The following KCNQ1 variants were observed in gnomAD, a reference collection of about 807,000 sequenced individuals.
KCNQ1 encodes the protein potassium voltage-gated channel subfamily KQT member 1.
A neutral mutation model predicts 72.4 loss-of-function variants in KCNQ1; 49 were observed. The ratio of observed to expected loss-of-function variants is 0.68; its 90% CI spans 0.54 to 0.86. The LOEUF (loss-of-function observed/expected upper bound fraction) is 0.86. KCNQ1 is among the 40% of genes least tolerant of loss of function. The probability of loss-of-function intolerance (pLI) is 0.00; values close to 1 mark genes in which losing one functional copy is unlikely to be tolerated. For missense variants in KCNQ1, 790 were observed against 945.1 expected, an observed-to-expected ratio of 0.84 and a Z score of 2.15; for synonymous variants, 450 against 412.6, an observed-to-expected ratio of 1.09 and a Z score of -1.10.
intron 15 of KCNQ1, among the ~76,000 whole-genome samples, chr11:2,804,039 G>T (rs1224233479): frequency 1.3e-5 from 2 of 152,176 alleles, no homozygotes; most frequent in African/African-American, 4.8e-5. Context: ...GGGATGGCGG[G>T]TGAACCACAC....
In KCNQ1 at chr11:2,750,591, G is replaced by C. The variant is rs367848869; in HGVS notation, c.1515-18253G>C. Reference sequence around the variant, plus strand: ...GCAATTCACAAGGCTTTGGAAGGCAGTGCTCACAAATCACTTTTCTAGACG... The same window carrying C: ...GCAATTCACAAGGCTTTGGAAGGCACTGCTCACAAATCACTTTTCTAGACG... On this transcript the variant is annotated intron_variant, in intron 11 of 15. Coordinates refer to ENST00000155840, the MANE Select transcript of KCNQ1 (RefSeq NM_000218.3). The surrounding 1 kb of genome is among the most constrained non-coding windows in gnomAD (Gnocchi z 6.3). Among the ~76,000 whole-genome samples the C allele has an allele frequency of 4.6e-5, 7 of 152,318 alleles. No individual in the cohort carries two copies. The highest frequency in any genetic ancestry group is 1.7e-4 in the African/African-American group (7 of 41,564).
chr11:2,650,909 G>C, intron 10 of KCNQ1: 1 of 398,636 alleles, frequency 2.5e-6, no homozygotes, highest in Non-Finnish European at 4.4e-6. Context: ...TTTTCTCCAA[G>C]CCTGGCTGAA....
Position 2,750,671 on chromosome 11 carries a change from C to T in KCNQ1, c.1515-18173C>T, listed in dbSNP as rs1354754942. On this transcript the variant is annotated intron_variant, in intron 11 of 15. Transcript: ENST00000155840. This position sits in a 1 kb window ranked among gnomAD's most constrained non-coding sequence, Gnocchi z 6.3. ...CTGAGACATTAGGGGTTTTCTCTCCCTTGTTTTAATCAACCAGTTCCCAAT... is the reference window on the plus strand; with the variant it reads ...CTGAGACATTAGGGGTTTTCTCTCCTTTGTTTTAATCAACCAGTTCCCAAT... Among the ~76,000 whole-genome samples, 6 of 152,214 alleles carry T rather than the reference C, an allele frequency of 3.9e-5. No homozygotes were observed. The highest frequency in any genetic ancestry group is 1.4e-4 in the African/African-American group (6 of 41,450).
chr11:2,697,747 C>T (rs10832548), intron 11 of KCNQ1: 91,241 of 398,382 alleles, frequency 0.23, 11,201 homozygotes, highest in South Asian at 0.32. Flanking sequence ...TTGTTTAATA[C>T]ATATTATTGG....
Position 2,848,136 on chromosome 11 carries a change from C to G in KCNQ1, c.*133C>G. On this transcript the variant is annotated 3_prime_UTR_variant, in exon 16 of 16. Transcript: ENST00000155840. Reference sequence around the variant, plus strand: ...GCCCCACTCTCAGAGGCCCCAATACCCCATGGACCATGCTGTCTGGCACAG... The same window carrying G: ...GCCCCACTCTCAGAGGCCCCAATACGCCATGGACCATGCTGTCTGGCACAG... 1.3e-6 allele frequency: 1 copy of G among 795,634 alleles called. No individual in the cohort carries two copies. The highest frequency in any genetic ancestry group is 2.1e-6 in the Non-Finnish European group (1 of 473,624). 49.3% of individuals were successfully genotyped at this position (795,634 alleles called of 1,614,324 possible).
chr11:2,532,476 GTCAC>G (rs771783576), intron 2 of KCNQ1, among the ~76,000 whole-genome samples: 1 of 152,228 alleles, frequency 6.6e-6, no homozygotes, highest in Non-Finnish European at 1.5e-5. Flanking sequence ...GGGTCCAGCT[GTCAC>G]TCAGTCATGG....
At chr11:2,641,405 A>T (rs1240993694) in intron 10 of KCNQ1, 10 of 396,548 alleles carry the variant, frequency 2.5e-5, no homozygotes, top group Admixed American at 8.9e-5. Context: ...TTTTTTTTTT[A>T]AATATACCTG....
chr11:2,558,362 G>A (rs748639061), intron 2 of KCNQ1, among the ~76,000 whole-genome samples: 1 of 152,282 alleles, frequency 6.6e-6, no homozygotes, highest in Non-Finnish European at 1.5e-5. Flanking sequence ...TTTATTCAGT[G>A]CGTCCTGGGT....
rs184671690 is a variant in KCNQ1, at chr11:2,543,761, A to G, written c.477+15743A>G. Reference sequence around the variant, plus strand: ...ACCTTTAGGCCTAGGATGCATTTTGAGTTAATTTTTCTCTATCATGTAAGA... The same window carrying G: ...ACCTTTAGGCCTAGGATGCATTTTGGGTTAATTTTTCTCTATCATGTAAGA... On this transcript the variant is annotated intron_variant, in intron 2 of 15. Coordinates refer to ENST00000155840, the MANE Select transcript of KCNQ1 (RefSeq NM_000218.3). This position sits in a 1 kb window ranked among gnomAD's most constrained non-coding sequence, Gnocchi z 5.6. 2.5e-4 allele frequency among the ~76,000 whole-genome samples: 38 copies of G among 152,206 alleles called. No individual in the cohort carries two copies. Among genetic ancestry groups the G allele is most frequent in the Admixed American group, 2.2e-3 (33 of 15,296 alleles).
rs1301911721 is a variant in KCNQ1 at position 2,478,777 on chromosome 11, TAACTC to T, written c.386+33295_386+33299del. Among the ~76,000 whole-genome samples, 3 of 152,160 alleles carry T rather than the reference TAACTC, an allele frequency of 2.0e-5. No homozygotes were observed. Among genetic ancestry groups the T allele is most frequent in the Admixed American group, 6.5e-5 (1 of 15,280 alleles). On this transcript the variant is annotated intron_variant, in intron 1 of 15. Coordinates refer to ENST00000155840, the MANE Select transcript of KCNQ1 (RefSeq NM_000218.3). The surrounding 1 kb of genome is among the most constrained non-coding windows in gnomAD (Gnocchi z 4.0). ...CCTTCCCAACGGTGCCCCAAAGTCT[TAACTC>T]ATTTCAGCATTAACTCAAAAATCTG...
Position 2,599,845 on chromosome 11 carries a change from C to T in KCNQ1, c.1393+10991C>T, listed in dbSNP as rs1239662823. On this transcript the variant is annotated intron_variant, in intron 10 of 15. Coordinates refer to ENST00000155840, the MANE Select transcript of KCNQ1 (RefSeq NM_000218.3). This position sits in a 1 kb window ranked among gnomAD's most constrained non-coding sequence, Gnocchi z 4.7. Reference sequence around the variant, plus strand: ...AACAGCCTCATTGTAGCTTCATCACCTCTTTAAAGGTCCTGTCTCCAAACA... The same window carrying T: ...AACAGCCTCATTGTAGCTTCATCACTTCTTTAAAGGTCCTGTCTCCAAACA... Among the ~76,000 whole-genome samples the T allele has an allele frequency of 6.6e-6, 1 of 152,220 alleles. No individual in the cohort carries two copies. The highest frequency in any genetic ancestry group is 2.4e-5 in the African/African-American group (1 of 41,456).
In KCNQ1 at chr11:2,541,697, GT is replaced by G. The variant is rs1847826305; in HGVS notation, c.477+13683del. Among the ~76,000 whole-genome samples, 1 of 126,780 alleles carries G rather than the reference GT, an allele frequency of 7.9e-6. No homozygotes were observed. The highest frequency in any genetic ancestry group is 1.6e-5 in the Non-Finnish European group (1 of 63,100). 83.2% of individuals were successfully genotyped at this position (126,780 alleles called of 152,430 possible). On this transcript the variant is annotated intron_variant, in intron 2 of 15. Coordinates refer to ENST00000155840, the MANE Select transcript of KCNQ1 (RefSeq NM_000218.3). This position sits in a 1 kb window ranked among gnomAD's most constrained non-coding sequence, Gnocchi z 4.8. The stretch of plus-strand genomic sequence containing the variant: ...CTCTTGCTTCATCTCAGGCTCAGGT[GT>G]TTTGAGTTTTTTTTTTTTTTTAAAT...
In KCNQ1 at chr11:2,566,256, G is replaced by A. The variant is rs1255640481; in HGVS notation, c.478-4372G>A. Among the ~76,000 whole-genome samples, 1 of 152,208 alleles carries A rather than the reference G, an allele frequency of 6.6e-6. No individual in the cohort carries two copies. Among genetic ancestry groups the A allele is most frequent in the Non-Finnish European group, 1.5e-5 (1 of 68,036 alleles). On this transcript the variant is annotated intron_variant, in intron 2 of 15. Transcript: ENST00000155840. The surrounding 1 kb of genome is among the most constrained non-coding windows in gnomAD (Gnocchi z 6.7). ...TGCACCCACTCATCTGGCAGTAACA[G>A]GGCCACTTCCAGAACCACCACCATG...
rs745339743 is a variant in KCNQ1 at position 2,579,328 on chromosome 11, C to T, written c.922-4107C>T. Among the ~76,000 whole-genome samples the T allele has an allele frequency of 2.0e-4, 31 of 152,288 alleles. No homozygotes were observed. Among genetic ancestry groups the T allele is most frequent in the Non-Finnish European group, 3.7e-4 (25 of 68,018 alleles). On this transcript the variant is annotated intron_variant, in intron 6 of 15. Transcript: ENST00000155840. The surrounding 1 kb of genome is among the most constrained non-coding windows in gnomAD (Gnocchi z 6.0). ...GTGAAGGCACAGGCCAGCAGGAGGG[C>T]GGGGGAAACACACTGACCAGTGGGG...
At position 2,588,863 on chromosome 11, in the gene KCNQ1, C is replaced by T. The variant is rs774803201; in HGVS notation, c.1393+9C>T. 10 of 1,611,374 alleles carry T rather than the reference C, an allele frequency of 6.2e-6. No homozygotes were observed. Among genetic ancestry groups the T allele is most frequent in the South Asian group, 4.4e-5 (4 of 90,946 alleles). Reference sequence around the variant, plus strand: ...CGGCTATGACAGTTCTGGTGAGAACCCCTCAGGCAGTTGGGGGCCGCGGGG... The same window carrying T: ...CGGCTATGACAGTTCTGGTGAGAACTCCTCAGGCAGTTGGGGGCCGCGGGG... On this transcript the variant is annotated intron_variant, in intron 10 of 15. Coordinates refer to ENST00000155840, the MANE Select transcript of KCNQ1 (RefSeq NM_000218.3). This position sits in a 1 kb window ranked among gnomAD's most constrained non-coding sequence, Gnocchi z 5.6.
At chr11:2,776,140 G>T in intron 13 of KCNQ1, 86 bp downstream of exon 13, 1 of 1,194,712 alleles carries the variant, frequency 8.4e-7, no homozygotes, top group Non-Finnish European at 1.2e-6. Context: ...GCCGGAGGAG[G>T]GAGGGGCTGA....
chr11:2,797,231 G>A (rs1847155871), intron 15 of KCNQ1, among the ~76,000 whole-genome samples: 1 of 152,138 alleles, frequency 6.6e-6, no homozygotes, highest in Non-Finnish European at 1.5e-5. Flanking sequence ...GAGAGGCCGG[G>A]CAGCGCTGGC....
At chr11:2,641,787 C>A (rs1266438162) in intron 10 of KCNQ1, 13 of 398,270 alleles carry the variant, frequency 3.3e-5, no homozygotes, top group Non-Finnish European at 4.9e-5. Context: ...ATGTTTAAGT[C>A]TTTAACCCAT....
At chr11:2,574,677 C>T (rs746213227) in intron 6 of KCNQ1, among the ~76,000 whole-genome samples, 1 of 152,240 alleles carries the variant, frequency 6.6e-6, no homozygotes, top group East Asian at 1.9e-4. Flanking sequence ...CTCCCTCCCC[C>T]TCAACCGCCG....
Sources: allele counts gnomAD v4.1 joint callset (sites outside exome capture counted in the v4.1 genomes callset), GRCh38; gene constraint gnomAD v4.1.1; non-coding constraint Gnocchi (gnomAD v3.1); transcripts MANE v1.5; gene names NCBI Gene and HGNC (gene_info 2026-07-23, HGNC 2026-07-21).